Variants in ZMAT4 observed in about 807,000 individuals in gnomAD.
ZMAT4 encodes the protein zinc finger matrin-type 4.
In ZMAT4, 17 loss-of-function variants were observed where a neutral mutation model predicts 28.7. That is an observed-to-expected ratio of 0.59 (90% CI 0.41 to 0.89). The LOEUF (loss-of-function observed/expected upper bound fraction) is 0.89. ZMAT4 is among the 40% of genes least tolerant of loss of function. The pLI, the probability that ZMAT4 is intolerant of heterozygous loss-of-function variation, is 0.00. For missense variants in ZMAT4, 240 were observed against 283.8 expected, an observed-to-expected ratio of 0.85 and a Z score of 1.11; for synonymous variants, 117 against 109.2, an observed-to-expected ratio of 1.07 and a Z score of -0.44.
At chr8:40,851,025 C>G (rs1009203632) in intron 1 of ZMAT4, among the ~76,000 whole-genome samples, 5 of 152,120 alleles carry the variant, frequency 3.3e-5, no homozygotes, top group East Asian at 1.9e-4. Context: ...TAATATATGT[C>G]TATAAGTTAA....
chr8:40,821,122 C>T (rs959094608), intron 2 of ZMAT4, among the ~76,000 whole-genome samples: 20 of 150,758 alleles, frequency 1.3e-4, no homozygotes, highest in African/African-American at 4.9e-4. Flanking sequence ...TGTACACACA[C>T]ATATATCATC....
chr8:40,635,243 AT>A lies in ZMAT4; in HGVS notation c.577+39460del, dbSNP rs376237355. 5.3e-4 allele frequency among the ~76,000 whole-genome samples: 81 copies of A among 152,284 alleles called. No individual in the cohort carries two copies. The East Asian group carries it at 0.014, about 27-fold the overall frequency. The stretch of plus-strand genomic sequence containing the variant: ...AATATAAAAGATGGCTTAGGGAATG[AT>A]TTTCAGTGAGTCTTAGTCATTGCTT... On this transcript the variant is annotated intron_variant, in intron 5 of 6. Transcript: ENST00000297737.
chr8:40,731,327 CCAGTAAAAGG>C (rs2150526321), intron 3 of ZMAT4, among the ~76,000 whole-genome samples: 1 of 151,880 alleles, frequency 6.6e-6, no homozygotes, highest in African/African-American at 2.4e-5. Context: ...CTGCACATGC[CCAGTAAAAGG>C]CACAGGCTCA....
rs549758314 is a variant in ZMAT4, at chr8:40,532,072, C to T, written c.*151G>A. 33 of 651,570 alleles carry T rather than the reference C, an allele frequency of 5.1e-5. No homozygotes were observed. The East Asian group carries it at 1.1e-3, about 21-fold the overall frequency. 40.4% of individuals were successfully genotyped at this position (651,570 alleles called of 1,614,324 possible). A position where few individuals can be genotyped will look rare whatever the true frequency, so the allele number is the denominator to read the frequency against. On this transcript the variant is annotated 3_prime_UTR_variant, in exon 7 of 7. Coordinates refer to ENST00000297737, the MANE Select transcript of ZMAT4 (RefSeq NM_024645.3). ...AGAAAAAAGAAACCTCATTCATTTCCAAAAATCAAGATCAGTCGTATGTGA... is the reference window on the plus strand; with the variant it reads ...AGAAAAAAGAAACCTCATTCATTTCTAAAAATCAAGATCAGTCGTATGTGA...
intron 1 of ZMAT4, among the ~76,000 whole-genome samples, chr8:40,873,679 A>G (rs932162850): frequency 4.6e-5 from 7 of 152,196 alleles, no homozygotes; most frequent in African/African-American, 1.7e-4. Flanking sequence ...CTGCCCATGG[A>G]AGATCTAGAT....
At chr8:40,783,754 T>A (rs1375196777) in intron 2 of ZMAT4, among the ~76,000 whole-genome samples, 4 of 152,158 alleles carry the variant, frequency 2.6e-5, no homozygotes, top group Non-Finnish European at 4.4e-5. Flanking sequence ...CTCACGCTTG[T>A]AATCCCAGCA....
Position 40,790,073 on chromosome 8 carries a change from C to T in ZMAT4, c.103-22343G>A, listed in dbSNP as rs543012078. The stretch of plus-strand genomic sequence containing the variant: ...CCCTCTCTTTTCCACCATGAAGCTT[C>T]CCCACTCCCCTGCCTGCCTTTGAGT... On this transcript the variant is annotated intron_variant, in intron 2 of 6. Coordinates refer to ENST00000297737, the MANE Select transcript of ZMAT4 (RefSeq NM_024645.3). Among the ~76,000 whole-genome samples the T allele has an allele frequency of 1.0e-3, 155 of 152,276 alleles. 1 individual carries two copies. The Middle Eastern group carries it at 0.01, about 10-fold the overall frequency.
intron 3 of ZMAT4, among the ~76,000 whole-genome samples, chr8:40,732,228 C>T (rs1375594031): frequency 2.0e-5 from 3 of 151,926 alleles, no homozygotes; most frequent in East Asian, 3.9e-4. Flanking sequence ...TTTATGTATA[C>T]ATGTTTTACC....
intron 5 of ZMAT4, among the ~76,000 whole-genome samples, chr8:40,642,463 A>G (rs1036822275): frequency 1.3e-5 from 2 of 152,242 alleles, no homozygotes; most frequent in Admixed American, 6.5e-5. Flanking sequence ...GAGAAGCCAA[A>G]TACTTCAGAC....
At chr8:40,690,343 G>C (rs1411791345) in intron 4 of ZMAT4, among the ~76,000 whole-genome samples, 1 of 152,114 alleles carries the variant, frequency 6.6e-6, no homozygotes, top group Non-Finnish European at 1.5e-5. Flanking sequence ...CTAAAATAAC[G>C]ATCACTAAGC....
At chr8:40,849,202 C>A (rs1817014558) in intron 1 of ZMAT4, among the ~76,000 whole-genome samples, 1 of 152,246 alleles carries the variant, frequency 6.6e-6, no homozygotes. Context: ...ATTGACAAAG[C>A]CTGTTAGCCT....
chr8:40,809,711 A>C (rs1013375798), intron 2 of ZMAT4, among the ~76,000 whole-genome samples: 1 of 152,168 alleles, frequency 6.6e-6, no homozygotes, highest in African/African-American at 2.4e-5. Context: ...GAATAGATAG[A>C]TAGATACCCC....
In ZMAT4 at chr8:40,882,924, C is replaced by A. The variant is rs182263981; in HGVS notation, c.-5+14759G>T. 1.1e-4 allele frequency among the ~76,000 whole-genome samples: 16 copies of A among 152,264 alleles called. No homozygotes were observed. In the Middle Eastern group the frequency reaches 0.01, roughly 97 times the overall value. On this transcript the variant is annotated intron_variant, in intron 1 of 6. Coordinates refer to ENST00000297737, the MANE Select transcript of ZMAT4 (RefSeq NM_024645.3). The stretch of plus-strand genomic sequence containing the variant: ...AAAGATGTGTGAGTTCTCTTCCCTG[C>A]TTAATCCTGAGCCACAAACTCCTTA...
intron 5 of ZMAT4, among the ~76,000 whole-genome samples, chr8:40,601,505 G>GAAAGAAAGAAAGAAAGAAAGAAAGAA (rs1563360178): frequency 1.4e-5 from 2 of 142,172 alleles, no homozygotes; most frequent in Admixed American, 1.4e-4. Context: ...GAGAAAGAAA[G>GAAAGAAAGAAAGAAAGAAAGAAAGAA]AAAGAGAAAG....
intron 1 of ZMAT4, among the ~76,000 whole-genome samples, chr8:40,830,336 T>A (rs1011357972): frequency 6.6e-6 from 1 of 152,186 alleles, no homozygotes; most frequent in Non-Finnish European, 1.5e-5. Flanking sequence ...TCTTCCACTC[T>A]TTCCCGCTTT....
intron 3 of ZMAT4, among the ~76,000 whole-genome samples, chr8:40,753,803 G>GT: frequency 6.6e-6 from 1 of 152,178 alleles, no homozygotes; most frequent in Non-Finnish European, 1.5e-5. Context: ...CCTTCCACAT[G>GT]TTTTTCACCA....
chr8:40,531,468 A>T lies in ZMAT4; in HGVS notation c.*755T>A, dbSNP rs1429176774. The stretch of plus-strand genomic sequence containing the variant: ...TCTTTTGGATGCTTTTGGGGAAAAA[A>T]ATTCACCAAGGTCAAGGGCTGTGAA... On this transcript the variant is annotated 3_prime_UTR_variant, in exon 7 of 7. Coordinates refer to ENST00000297737, the MANE Select transcript of ZMAT4 (RefSeq NM_024645.3). 3.9e-5 allele frequency: 6 copies of T among 152,516 alleles called. No homozygotes were observed. The highest frequency in any genetic ancestry group is 7.3e-5 in the Non-Finnish European group (5 of 68,030). The allele number at this position is 152,516 out of a possible 1,614,324, so 9.4% of individuals were successfully genotyped here.
chr8:40,550,635 C>G (rs937733193), intron 6 of ZMAT4, among the ~76,000 whole-genome samples: 1 of 152,088 alleles, frequency 6.6e-6, no homozygotes, highest in African/African-American at 2.4e-5. Context: ...GTGAGTCTCA[C>G]GAGATCTGAT....
At chr8:40,582,970 CA>C (rs1321851055) in intron 5 of ZMAT4, among the ~76,000 whole-genome samples, 2 of 152,148 alleles carry the variant, frequency 1.3e-5, no homozygotes, top group Non-Finnish European at 2.9e-5. Context: ...GCAGAACGTC[CA>C]GGGGAAGTGG....
Sources: gnomAD v4.1 joint callset for allele counts (sites outside exome capture counted in the v4.1 genomes callset) on GRCh38, gnomAD v4.1.1 for gene constraint, MANE v1.5 for transcripts, NCBI Gene and HGNC (gene_info 2026-07-23, HGNC 2026-07-21) for gene names.